Variants in TBC1D5 observed in about 807,000 individuals in gnomAD.
TBC1D5 encodes the protein TBC1 domain family member 5, also known as TBC1 domain family, member 5.
A neutral mutation model predicts 100.3 loss-of-function variants in TBC1D5; 75 were observed. The ratio of observed to expected loss-of-function variants is 0.75; its 90% CI spans 0.62 to 0.91. The LOEUF (loss-of-function observed/expected upper bound fraction) is 0.91. Ranked by LOEUF, TBC1D5 falls within the 40% of genes least tolerant of loss-of-function variation. The pLI, the probability that TBC1D5 is intolerant of heterozygous loss-of-function variation, is 0.00. For synonymous variants in TBC1D5, 323 were observed against 325.6 expected (o/e 0.99, Z 0.09); for missense variants, 910 against 942.4 (o/e 0.97, Z 0.45).
At chr3:17,487,540 G>T (rs905508937) in intron 3 of TBC1D5, among the ~76,000 whole-genome samples, 1 of 152,124 alleles carries the variant, frequency 6.6e-6, no homozygotes, top group African/African-American at 2.4e-5. Flanking sequence ...AATCATAGAA[G>T]GATTTGGCCA....
intron 2 of TBC1D5, among the ~76,000 whole-genome samples, chr3:17,572,676 C>T (rs1362347595): frequency 6.6e-6 from 1 of 152,074 alleles, no homozygotes; most frequent in Non-Finnish European, 1.5e-5. Flanking sequence ...CTTACCAAGG[C>T]ACATTACATA....
At chr3:17,712,464 C>G (rs553982850) in intron 1 of TBC1D5, among the ~76,000 whole-genome samples, 1 of 152,270 alleles carries the variant, frequency 6.6e-6, no homozygotes, top group East Asian at 1.9e-4. Flanking sequence ...CACAGGCTAG[C>G]TATGGCTGTC....
chr3:17,513,555 C>T (rs972954042), intron 2 of TBC1D5, among the ~76,000 whole-genome samples: 1 of 152,170 alleles, frequency 6.6e-6, no homozygotes, highest in Non-Finnish European at 1.5e-5. Context: ...TACTTAGGCA[C>T]AGAATCAGCA....
intron 2 of TBC1D5, among the ~76,000 whole-genome samples, chr3:17,607,547 GAA>G (rs572833260): frequency 5.5e-5 from 7 of 127,810 alleles, no homozygotes; most frequent in South Asian, 2.6e-4. Flanking sequence ...TGAGCTTAAA[GAA>G]AAAAAAAAAA....
intron 16 of TBC1D5, among the ~76,000 whole-genome samples, chr3:17,257,617 T>A (rs570311650): frequency 2.2e-4 from 33 of 152,322 alleles, no homozygotes; most frequent in African/African-American, 7.9e-4. Context: ...AAGGTTCAAA[T>A]TTCAAGTTTA....
intron 1 of TBC1D5, among the ~76,000 whole-genome samples, chr3:17,721,592 A>G (rs1422634763): frequency 6.6e-6 from 1 of 152,080 alleles, no homozygotes; most frequent in African/African-American, 2.4e-5. Context: ...TGAAGCTATG[A>G]GCCTGGCTGG....
exon 1 of TBC1D5, chr3:17,739,576 T>G (rs1237467493): frequency 2.0e-5 from 3 of 152,202 alleles, no homozygotes; most frequent in Non-Finnish European, 4.4e-5. Flanking sequence ...GTAGATACTT[T>G]TACATTTAAC....
chr3:17,641,947 C>T (rs541964308), intron 1 of TBC1D5, among the ~76,000 whole-genome samples: 153 of 152,074 alleles, frequency 1.0e-3, no homozygotes, highest in African/African-American at 3.4e-3. Context: ...TTAAAATAGC[C>T]CCCAATCTGT....
At chr3:17,298,231 A>AT (rs2150310055) in intron 14 of TBC1D5, among the ~76,000 whole-genome samples, 1 of 152,350 alleles carries the variant, frequency 6.6e-6, no homozygotes, top group East Asian at 1.9e-4. Context: ...TACACAAGGT[A>AT]TTTAAGAAGT....
chr3:17,583,659 G>A (rs931740657), intron 2 of TBC1D5, among the ~76,000 whole-genome samples: 6 of 152,152 alleles, frequency 3.9e-5, no homozygotes, highest in South Asian at 2.1e-4. Flanking sequence ...CCTGGGAGAC[G>A]GAGGCTGCAG....
At chr3:17,345,585 A>C (rs1463978400) in intron 13 of TBC1D5, among the ~76,000 whole-genome samples, 3 of 151,842 alleles carry the variant, frequency 2.0e-5, no homozygotes, top group Non-Finnish European at 4.4e-5. Context: ...TACCCAAAGG[A>C]CTATAAATCA....
chr3:17,483,986 C>G (rs1247078481), intron 3 of TBC1D5, among the ~76,000 whole-genome samples: 2 of 152,118 alleles, frequency 1.3e-5, no homozygotes, highest in Non-Finnish European at 2.9e-5. Flanking sequence ...AAAATTTTAT[C>G]TTCAAAGAAT....
At chr3:17,507,158 G>A (rs1361787795) in intron 3 of TBC1D5, among the ~76,000 whole-genome samples, 2 of 152,174 alleles carry the variant, frequency 1.3e-5, no homozygotes, top group Non-Finnish European at 2.9e-5. Flanking sequence ...TCCACTTACA[G>A]AAGTACTTGC....
At chr3:17,363,365 T>C (rs2091872593) in intron 13 of TBC1D5, among the ~76,000 whole-genome samples, 1 of 152,124 alleles carries the variant, frequency 6.6e-6, no homozygotes, top group Admixed American at 6.5e-5. Flanking sequence ...TCCTAAATGA[T>C]TATATCAACA....
intron 2 of TBC1D5, among the ~76,000 whole-genome samples, chr3:17,600,824 G>A (rs921043562): frequency 4.8e-5 from 7 of 145,544 alleles, no homozygotes; most frequent in Non-Finnish European, 8.8e-5. Flanking sequence ...TTGAAAGACC[G>A]GGCGGGGGAA....
intron 2 of TBC1D5, among the ~76,000 whole-genome samples, chr3:17,583,382 G>C (rs1030169372): frequency 6.6e-6 from 1 of 151,588 alleles, no homozygotes; most frequent in Admixed American, 6.6e-5. Flanking sequence ...AAGATTTCCT[G>C]ATAATCAAAA....
At chr3:17,542,544 G>A (rs995703198) in intron 2 of TBC1D5, among the ~76,000 whole-genome samples, 3 of 152,260 alleles carry the variant, frequency 2.0e-5, no homozygotes, top group Admixed American at 2.0e-4. Context: ...TTTGCATATT[G>A]CAGTTAAACA....
intron 20 of TBC1D5, among the ~76,000 whole-genome samples, chr3:17,167,279 CTGT>C (rs1559337312): frequency 1.3e-5 from 2 of 152,190 alleles, no homozygotes; most frequent in Non-Finnish European, 2.9e-5. Context: ...CTGAGCTGGA[CTGT>C]TCACAGCATA....
chr3:17,670,036 C>T (rs1011837801), intron 1 of TBC1D5, among the ~76,000 whole-genome samples: 1 of 152,322 alleles, frequency 6.6e-6, no homozygotes, highest in African/African-American at 2.4e-5. Flanking sequence ...CAGGCGCACG[C>T]CGCCATGCCC....
Sources: gnomAD v4.1 joint callset for allele counts (sites outside exome capture counted in the v4.1 genomes callset) on GRCh38, gnomAD v4.1.1 for gene constraint, MANE v1.5 for transcripts, NCBI Gene and HGNC (gene_info 2026-07-23, HGNC 2026-07-21) for gene names.